Variants in PDE4D observed in about 807,000 individuals in gnomAD.
PDE4D encodes the protein 3',5'-cyclic-AMP phosphodiesterase 4D.
PDE4D carries 24 observed loss-of-function variants against 87.4 expected under a neutral mutation model. That is an observed-to-expected ratio of 0.27 (90% CI 0.20 to 0.39). The LOEUF is 0.39. PDE4D is among the 10% of genes least tolerant of loss of function. The pLI is 1.00. For missense variants in PDE4D, 714 were observed against 1,041.0 expected (o/e 0.69, Z 4.32); for synonymous variants, 384 against 383.2 (o/e 1.00, Z -0.02).
At chr5:59,898,277 G>T (rs558320497), upstream of PDE4D, among the ~76,000 whole-genome samples, 10 of 152,228 alleles carry the variant, frequency 6.6e-5, 2 homozygotes, top group African/African-American at 2.4e-4. Context: ...TAAAAATATT[G>T]CTTATCTACT....
intron 5 of PDE4D, among the ~76,000 whole-genome samples, chr5:59,156,394 C>G (rs1265894498): frequency 7.2e-6 from 1 of 139,744 alleles, no homozygotes; most frequent in Non-Finnish European, 1.5e-5. Flanking sequence ...TCTTTTGTGG[C>G]AGACACTAAA....
chr5:59,937,827 G>A (rs1756764332), intron 3 of PDE4D, among the ~76,000 whole-genome samples: 1 of 152,182 alleles, frequency 6.6e-6, no homozygotes, highest in African/African-American at 2.4e-5. Flanking sequence ...GAATGATGGA[G>A]TTTCAATTTG....
At chr5:59,195,385 A>G (rs1745246137) in intron 2 of PDE4D, among the ~76,000 whole-genome samples, 1 of 152,196 alleles carries the variant, frequency 6.6e-6, no homozygotes, top group Non-Finnish European at 1.5e-5. Flanking sequence ...AGCCCGTGGG[A>G]GCCAGCAGAG....
chr5:59,919,847 A>C (rs1281194534), intron 3 of PDE4D, among the ~76,000 whole-genome samples: 2 of 152,220 alleles, frequency 1.3e-5, no homozygotes, highest in Non-Finnish European at 2.9e-5. Flanking sequence ...TAATGTGGCA[A>C]AGATTAATTT....
At chr5:59,125,361 C>G (rs186777381) in intron 5 of PDE4D, 90 of 738,020 alleles carry the variant, frequency 1.2e-4, no homozygotes, top group South Asian at 3.7e-4. Context: ...TTTTCCTTTT[C>G]AAAATGATCC....
At chr5:60,293,259 C>T (rs1031477024) in intron 1 of PDE4D, among the ~76,000 whole-genome samples, 3 of 152,040 alleles carry the variant, frequency 2.0e-5, no homozygotes, top group Non-Finnish European at 4.4e-5. Flanking sequence ...CGGCCGGGCA[C>T]TCATGCCTGT....
At chr5:59,238,816 C>T (rs950997018) in intron 1 of PDE4D, among the ~76,000 whole-genome samples, 2 of 152,174 alleles carry the variant, frequency 1.3e-5, no homozygotes. Flanking sequence ...TCTCTCATAT[C>T]CTAGTCTCAT....
intron 1 of PDE4D, among the ~76,000 whole-genome samples, chr5:59,702,312 G>C (rs1752690970): frequency 6.6e-6 from 1 of 151,994 alleles, no homozygotes; most frequent in Non-Finnish European, 1.5e-5. Context: ...TTTTAGTAGA[G>C]ACGGGGTTTC....
rs970703096 is a variant in PDE4D, at chr5:58,975,466, T to A, written c.2013+191A>T. Among the ~76,000 whole-genome samples the A allele has an allele frequency of 2.0e-5, 3 of 152,194 alleles. No individual in the cohort carries two copies. Among genetic ancestry groups the A allele is most frequent in the African/African-American group, 4.8e-5 (2 of 41,466 alleles). Reference sequence around the variant, plus strand: ...TAAATGAATATGTCTTTAGAATATATATATGACTATATGAATGTAAGTCAT... The same window carrying A: ...TAAATGAATATGTCTTTAGAATATAAATATGACTATATGAATGTAAGTCAT... On this transcript the variant is annotated intron_variant, in intron 14 of 14. Coordinates refer to ENST00000340635, the MANE Select transcript of PDE4D (RefSeq NM_001104631.2). The surrounding 1 kb of genome is among the most constrained non-coding windows in gnomAD (Gnocchi z 4.2).
chr5:59,010,616 T>C (rs530067684), intron 6 of PDE4D, among the ~76,000 whole-genome samples: 3 of 152,192 alleles, frequency 2.0e-5, no homozygotes, highest in African/African-American at 7.2e-5. Context: ...TGTATGCTCA[T>C]TCTAGGCTGT....
chr5:59,585,211 T>A (rs1185827375), intron 1 of PDE4D, among the ~76,000 whole-genome samples: 1 of 152,026 alleles, frequency 6.6e-6, no homozygotes, highest in Non-Finnish European at 1.5e-5. Flanking sequence ...CTGCCTAGAG[T>A]GGGAGAGGAT....
At chr5:59,461,920 T>C (rs901507784) in intron 1 of PDE4D, among the ~76,000 whole-genome samples, 2 of 152,164 alleles carry the variant, frequency 1.3e-5, no homozygotes, top group Admixed American at 1.3e-4. Flanking sequence ...AATGCAATAA[T>C]AGATTTAATG....
intron 1 of PDE4D, among the ~76,000 whole-genome samples, chr5:60,377,766 G>A (rs892690864): frequency 2.6e-5 from 4 of 152,048 alleles, no homozygotes; most frequent in Non-Finnish European, 5.9e-5. Context: ...ATTAAATGAC[G>A]TTTCATCATG....
In PDE4D at chr5:60,369,935, CA is replaced by C. The variant is rs571797822; in HGVS notation, c.-90+118006del. Among the ~76,000 whole-genome samples the C allele has an allele frequency of 1.7e-4, 26 of 152,276 alleles. No individual in the cohort carries two copies. The South Asian group carries it at 5.2e-3, about 30-fold the overall frequency. On this transcript the variant is annotated intron_variant, in intron 1 of 16. Coordinates refer to the PDE4D transcript ENST00000502484. The stretch of plus-strand genomic sequence containing the variant: ...TAAGAAAGAACTGGTAAATCATATC[CA>C]AAACCTTTCATGTAGTATCCACAGA...
chr5:59,194,571 G>A (rs191332142), intron 2 of PDE4D, among the ~76,000 whole-genome samples: 5 of 152,274 alleles, frequency 3.3e-5, no homozygotes, highest in African/African-American at 7.2e-5. Flanking sequence ...ATCAAACCAT[G>A]TGGAGATCTT....
chr5:59,244,869 A>G (rs1258512905), intron 1 of PDE4D, among the ~76,000 whole-genome samples: 1 of 151,484 alleles, frequency 6.6e-6, no homozygotes, highest in East Asian at 1.9e-4. Flanking sequence ...GAAATAAACC[A>G]ACACGTTTTA....
chr5:59,126,481 G>A (rs1055763774), intron 5 of PDE4D, among the ~76,000 whole-genome samples: 2 of 152,208 alleles, frequency 1.3e-5, no homozygotes, highest in African/African-American at 4.8e-5. Flanking sequence ...TAGGAAAGAG[G>A]AGAAGGTTGT....
At chr5:60,258,721 C>T (rs186617284) in intron 1 of PDE4D, among the ~76,000 whole-genome samples, 1 of 151,676 alleles carries the variant, frequency 6.6e-6, no homozygotes, top group East Asian at 1.9e-4. Flanking sequence ...GGAAACCATG[C>T]AGAAACAATT....
At chr5:60,280,010 G>A (rs71630003) in intron 1 of PDE4D, among the ~76,000 whole-genome samples, 15,079 of 151,816 alleles carry the variant, frequency 0.099, 1,030 homozygotes, top group South Asian at 0.29. Context: ...CTCCAAGTCT[G>A]GTATATATGA....
Sources: allele counts gnomAD v4.1 joint callset (sites outside exome capture counted in the v4.1 genomes callset), GRCh38; gene constraint gnomAD v4.1.1; non-coding constraint Gnocchi (gnomAD v3.1); transcripts MANE v1.5; gene names NCBI Gene and HGNC (gene_info 2026-07-23, HGNC 2026-07-21).